Variants in DPP10 observed in about 807,000 individuals in gnomAD.
The protein encoded by DPP10 is dipeptidyl peptidase like 10, also known as inactive dipeptidyl peptidase 10.
A neutral mutation model predicts 120.9 loss-of-function variants in DPP10; 33 were observed. The observed-to-expected ratio is 0.27, with a 90% CI of 0.21 to 0.37. DPP10 has a LOEUF of 0.37. Among genes scored for constraint, DPP10 ranks in the 10% least tolerant of loss-of-function variants. The pLI is 1.00. For missense variants in DPP10, 816 were observed against 942.8 expected (o/e 0.87, Z 1.76); for synonymous variants, 337 against 326.1 (o/e 1.03, Z -0.36).
At chr2:115,169,761 C>G (rs977005569) in intron 1 of DPP10, among the ~76,000 whole-genome samples, 4 of 152,130 alleles carry the variant, frequency 2.6e-5, no homozygotes, top group African/African-American at 9.7e-5. Flanking sequence ...GGAATGTTCT[C>G]CAGCCAAGCT....
intron 1 of DPP10, among the ~76,000 whole-genome samples, chr2:114,847,616 G>C (rs1372223355): frequency 2.0e-5 from 3 of 152,162 alleles, no homozygotes; most frequent in African/African-American, 7.2e-5. Flanking sequence ...ATAGAAAGCA[G>C]AGATTACGTG....
At chr2:115,387,400 A>G (rs1409678238) in intron 3 of DPP10, among the ~76,000 whole-genome samples, 1 of 152,208 alleles carries the variant, frequency 6.6e-6, no homozygotes, top group African/African-American at 2.4e-5. Flanking sequence ...GATTTACTAT[A>G]AATTTCTCAG....
chr2:115,102,526 T>C (rs990810776), intron 1 of DPP10, among the ~76,000 whole-genome samples: 5 of 152,164 alleles, frequency 3.3e-5, no homozygotes, highest in African/African-American at 1.2e-4. Flanking sequence ...TTCTCCTGCC[T>C]CAGCCTCCCA....
intron 1 of DPP10, among the ~76,000 whole-genome samples, chr2:114,957,773 TAAA>T (rs1698323906): frequency 1.3e-5 from 2 of 152,158 alleles, no homozygotes; most frequent in Non-Finnish European, 2.9e-5. Flanking sequence ...CATATATCCT[TAAA>T]AAAGAAGGAA....
chr2:115,623,845 T>A (rs1422150472), intron 5 of DPP10, among the ~76,000 whole-genome samples: 14 of 151,860 alleles, frequency 9.2e-5, no homozygotes. Flanking sequence ...GATGAAGTAT[T>A]TAGGGCTCCA....
intron 1 of DPP10, among the ~76,000 whole-genome samples, chr2:114,803,469 A>T (rs183456169): frequency 1.9e-4 from 29 of 152,322 alleles, no homozygotes; most frequent in Admixed American, 3.9e-4. Context: ...AAAATGTGGG[A>T]AATTTTGGAA....
intron 1 of DPP10, among the ~76,000 whole-genome samples, chr2:114,817,728 C>A (rs1685756438): frequency 6.6e-6 from 1 of 152,042 alleles, no homozygotes; most frequent in Admixed American, 6.6e-5. Flanking sequence ...GAACTGAGAA[C>A]AAAAGAAACA....
chr2:115,600,042 C>T (rs1043953140), intron 5 of DPP10, among the ~76,000 whole-genome samples: 11 of 151,778 alleles, frequency 7.2e-5, no homozygotes, highest in East Asian at 5.8e-4. Flanking sequence ...CCCAGAGCGC[C>T]GTCACCTGTT....
chr2:115,424,633 A>AT (rs750515726), intron 3 of DPP10, among the ~76,000 whole-genome samples: 3 of 151,990 alleles, frequency 2.0e-5, no homozygotes, highest in East Asian at 1.9e-4. Context: ...AGGAGGGTGT[A>AT]TTTTTAAAAT....
intron 1 of DPP10, among the ~76,000 whole-genome samples, chr2:115,116,975 T>C (rs1485002996): frequency 1.3e-5 from 2 of 152,246 alleles, no homozygotes; most frequent in Non-Finnish European, 2.9e-5. Flanking sequence ...TATGATTCAA[T>C]TAATCTTTTC....
intron 1 of DPP10, among the ~76,000 whole-genome samples, chr2:114,662,149 G>A (rs773037790): frequency 6.6e-6 from 1 of 152,232 alleles, no homozygotes; most frequent in Non-Finnish European, 1.5e-5. Context: ...CAAAAATCAG[G>A]TCCGGGGGAA....
At chr2:114,630,837 C>A (rs564520258) in intron 1 of DPP10, among the ~76,000 whole-genome samples, 3 of 152,224 alleles carry the variant, frequency 2.0e-5, no homozygotes, top group Non-Finnish European at 2.9e-5. Context: ...TGGTCCCCAC[C>A]CCTCCCTACC....
At chr2:115,627,338 C>CAT (rs1191849858) in intron 5 of DPP10, among the ~76,000 whole-genome samples, 15 of 152,022 alleles carry the variant, frequency 9.9e-5, no homozygotes, top group Admixed American at 3.3e-4. Flanking sequence ...ATATGGCATA[C>CAT]ATATATATAC....
intron 1 of DPP10, among the ~76,000 whole-genome samples, chr2:115,206,518 A>G (rs954136844): frequency 3.3e-5 from 5 of 152,198 alleles, no homozygotes; most frequent in African/African-American, 9.6e-5. Context: ...ATATTTGACA[A>G]CAAAACCATG....
At chr2:115,685,122 A>G (rs531267037) in intron 5 of DPP10, among the ~76,000 whole-genome samples, 1 of 152,082 alleles carries the variant, frequency 6.6e-6, no homozygotes, top group South Asian at 2.1e-4. Context: ...ATGAAGTATG[A>G]ATAATATTTA....
chr2:114,725,649 A>T (rs528383632), intron 1 of DPP10, among the ~76,000 whole-genome samples: 11 of 152,206 alleles, frequency 7.2e-5, no homozygotes, highest in Non-Finnish European at 1.6e-4. Context: ...ATTGGATCAG[A>T]TCTTTTCATG....
intron 1 of DPP10, among the ~76,000 whole-genome samples, chr2:114,628,068 T>C (rs1249614892): frequency 2.0e-5 from 3 of 152,156 alleles, no homozygotes; most frequent in African/African-American, 7.2e-5. Context: ...TATGAAATCT[T>C]ACTTTCAAAA....
At chr2:115,058,231 A>G (rs1706092499) in intron 1 of DPP10, among the ~76,000 whole-genome samples, 1 of 139,466 alleles carries the variant, frequency 7.2e-6, no homozygotes. Flanking sequence ...CCTTTCTTCT[A>G]CTGCTTTATA....
At chr2:114,929,323 G>A (rs766343478) in intron 1 of DPP10, among the ~76,000 whole-genome samples, 17 of 152,156 alleles carry the variant, frequency 1.1e-4, no homozygotes, top group Non-Finnish European at 2.4e-4. Context: ...GGGTTCAAGA[G>A]CAGATGACCA....
Sources: gnomAD v4.1 joint callset for allele counts (sites outside exome capture counted in the v4.1 genomes callset) on GRCh38, gnomAD v4.1.1 for gene constraint, MANE v1.5 for transcripts, NCBI Gene and HGNC (gene_info 2026-07-23, HGNC 2026-07-21) for gene names.